KCNQ5: variants seen among roughly 807,000 people sequenced by gnomAD.
KCNQ5 encodes potassium voltage-gated channel subfamily KQT member 5.
In KCNQ5, 30 loss-of-function variants were observed where a neutral mutation model predicts 98.2. The observed-to-expected ratio is 0.31, with a 90% CI of 0.23 to 0.41. KCNQ5 has a LOEUF of 0.41. Among genes scored for constraint, KCNQ5 ranks in the 10% least tolerant of loss-of-function variants. The pLI is 1.00. For missense variants in KCNQ5, 835 were observed against 1,182.5 expected, an observed-to-expected ratio of 0.71 and a Z score of 4.31; for synonymous variants, 458 against 449.4, an observed-to-expected ratio of 1.02 and a Z score of -0.24.
intron 1 of KCNQ5, among the ~76,000 whole-genome samples, chr6:72,656,599 ATCTT>A (rs1417732260): frequency 6.6e-6 from 1 of 152,204 alleles, no homozygotes; most frequent in Non-Finnish European, 1.5e-5. Context: ...GAAAACAAAA[ATCTT>A]TCTCAACTGA....
chr6:73,106,092 G>C (rs772253419), intron 6 of KCNQ5, among the ~76,000 whole-genome samples: 4 of 152,006 alleles, frequency 2.6e-5, no homozygotes, highest in African/African-American at 4.8e-5. Flanking sequence ...AACGCGGTGG[G>C]AGCAGAAGTG....
intron 2 of KCNQ5, among the ~76,000 whole-genome samples, chr6:73,027,064 C>T (rs923550495): frequency 1.3e-5 from 2 of 152,138 alleles, no homozygotes; most frequent in African/African-American, 4.8e-5. Flanking sequence ...AATGTGCTGG[C>T]CCTTTGCTTC....
intron 9 of KCNQ5, among the ~76,000 whole-genome samples, chr6:73,126,787 T>A (rs1776003659): frequency 6.6e-6 from 1 of 152,158 alleles, no homozygotes; most frequent in Admixed American, 6.5e-5. Flanking sequence ...TTTCATACAC[T>A]TAGGTGTCCT....
intron 1 of KCNQ5, among the ~76,000 whole-genome samples, chr6:72,733,963 G>C (rs1055851484): frequency 2.1e-4 from 31 of 151,096 alleles, no homozygotes; most frequent in Non-Finnish European, 3.4e-4. Flanking sequence ...ATTTACACAG[G>C]GTTGAAGTTC....
chr6:72,723,654 C>A (rs1476489987), intron 1 of KCNQ5, among the ~76,000 whole-genome samples: 2 of 150,726 alleles, frequency 1.3e-5, no homozygotes, highest in East Asian at 1.9e-4. Context: ...TTCCTTTTTC[C>A]TTCCTTTCTT....
At chr6:72,869,789 G>C (rs947479508) in intron 1 of KCNQ5, among the ~76,000 whole-genome samples, 7 of 152,208 alleles carry the variant, frequency 4.6e-5, no homozygotes, top group South Asian at 4.1e-4. Context: ...TTCCCCACAG[G>C]GGGAGCGAGG....
intron 1 of KCNQ5, among the ~76,000 whole-genome samples, chr6:72,779,199 C>T (rs1032643849): frequency 6.6e-6 from 1 of 152,104 alleles, no homozygotes; most frequent in African/African-American, 2.4e-5. Flanking sequence ...AGGATGCCCC[C>T]CTAGAAAGCT....
chr6:72,639,912 ACAAGAT>A (rs1345827808), intron 1 of KCNQ5, among the ~76,000 whole-genome samples: 3 of 152,130 alleles, frequency 2.0e-5, no homozygotes, highest in Non-Finnish European at 4.4e-5. Context: ...ATTGAGAATA[ACAAGAT>A]CCTGGAGTTA....
chr6:72,642,863 G>A (rs769352151), intron 1 of KCNQ5, among the ~76,000 whole-genome samples: 12 of 152,122 alleles, frequency 7.9e-5, no homozygotes, highest in Non-Finnish European at 1.6e-4. Flanking sequence ...CAAACTAAAT[G>A]CCCATCAGTG....
chr6:72,732,272 A>G (rs974780312), intron 1 of KCNQ5, among the ~76,000 whole-genome samples: 1 of 152,212 alleles, frequency 6.6e-6, no homozygotes, highest in Admixed American at 6.5e-5. Flanking sequence ...GGGACTACAT[A>G]TTACAGGAAC....
chr6:72,651,244 A>G (rs927468358), intron 1 of KCNQ5, among the ~76,000 whole-genome samples: 3 of 152,094 alleles, frequency 2.0e-5, no homozygotes, highest in Non-Finnish European at 4.4e-5. Flanking sequence ...CCTAGTGCCT[A>G]ACAGGTCCAG....
intron 1 of KCNQ5, among the ~76,000 whole-genome samples, chr6:72,954,578 C>G (rs1766956098): frequency 6.6e-6 from 1 of 151,564 alleles, no homozygotes; most frequent in African/African-American, 2.4e-5. Flanking sequence ...TAAAAACTCT[C>G]ACTTCTAGTA....
chr6:72,743,066 G>C (rs1371283905), intron 1 of KCNQ5, among the ~76,000 whole-genome samples: 2 of 152,088 alleles, frequency 1.3e-5, no homozygotes, highest in African/African-American at 4.8e-5. Flanking sequence ...AGTCAGTCTA[G>C]CTTCTGCAAA....
chr6:72,848,480 A>G (rs1447880189), intron 1 of KCNQ5, among the ~76,000 whole-genome samples: 1 of 152,182 alleles, frequency 6.6e-6, no homozygotes, highest in East Asian at 1.9e-4. Context: ...TTAATAACAA[A>G]TATATTTAGT....
At chr6:72,962,937 C>G (rs1767443109) in intron 1 of KCNQ5, among the ~76,000 whole-genome samples, 1 of 152,094 alleles carries the variant, frequency 6.6e-6, no homozygotes. Flanking sequence ...ACTCTTGATT[C>G]TTTATTTCCT....
chr6:72,791,124 C>G (rs1217792640), intron 1 of KCNQ5, among the ~76,000 whole-genome samples: 3 of 152,144 alleles, frequency 2.0e-5, no homozygotes, highest in Non-Finnish European at 4.4e-5. Context: ...GCTGCGAGGC[C>G]TCTCGGGAGA....
chr6:73,088,593 ACTGATTCTAAAACCCAAAT>A (rs1562170894), intron 5 of KCNQ5, among the ~76,000 whole-genome samples: 4 of 152,122 alleles, frequency 2.6e-5, no homozygotes, highest in African/African-American at 9.7e-5. Flanking sequence ...TCACCCTGTT[ACTGATTCTAAAACCCAAAT>A]CTCACGCCAA....
intron 1 of KCNQ5, among the ~76,000 whole-genome samples, chr6:72,773,022 C>A (rs1772976439): frequency 6.6e-6 from 1 of 152,100 alleles, no homozygotes; most frequent in African/African-American, 2.4e-5. Context: ...TTTAGCTTAT[C>A]AGTGTTGCCC....
chr6:72,769,516 G>A (rs1442255812), intron 1 of KCNQ5, among the ~76,000 whole-genome samples: 2 of 151,866 alleles, frequency 1.3e-5, no homozygotes, highest in Non-Finnish European at 2.9e-5. Context: ...ATCTGGAGGG[G>A]TACCTGAGCA....
Sources: gnomAD v4.1 joint callset for allele counts (sites outside exome capture counted in the v4.1 genomes callset) on GRCh38, gnomAD v4.1.1 for gene constraint, MANE v1.5 for transcripts, NCBI Gene and HGNC (gene_info 2026-07-23, HGNC 2026-07-21) for gene names.